NEMF: variants seen among roughly 807,000 people sequenced by gnomAD.
NEMF encodes ribosome quality control complex subunit NEMF.
In NEMF, 89 loss-of-function variants were observed where a neutral mutation model predicts 162.2. The ratio of observed to expected loss-of-function variants is 0.55; its 90% CI spans 0.46 to 0.65. The LOEUF (loss-of-function observed/expected upper bound fraction) is 0.65, where lower values mean the gene tolerates loss of function less well. Ranked by LOEUF, NEMF falls within the 30% of genes least tolerant of loss-of-function variation. The pLI is 0.00. For synonymous variants in NEMF, 421 were observed against 404.5 expected (o/e 1.04, Z -0.49); for missense variants, 1,133 against 1,261.9 (o/e 0.90, Z 1.55).
At position 49,829,415 on chromosome 14, in the gene NEMF, T is replaced by A. The variant is rs771403159; in HGVS notation, c.957A>T (p.Ala319=). The A allele has an allele frequency of 1.2e-6, 2 of 1,613,672 alleles. No individual in the cohort carries two copies. Among genetic ancestry groups the A allele is most frequent in the Admixed American group, 1.7e-5 (1 of 60,006 alleles). The part of the protein sequence containing the change: ...DLKALQQEKQ[A]LKKLDNVRKD... ...TTCGAACATTATCTAATTTCTTCAA[T>A]GCTTGCTTTTCCTTTTATTGGCAAA... is the stretch of plus-strand genomic sequence containing the variant. Residue 319 remains alanine (A), a synonymous_variant, in exon 12 of 33, where the codon GCA becomes GCT. Coordinates refer to ENST00000298310, the MANE Select transcript of NEMF (RefSeq NM_004713.6).
intron 28 of NEMF, among the ~76,000 whole-genome samples, chr14:49,788,407 G>A (rs1484558099): frequency 2.6e-5 from 4 of 151,962 alleles, no homozygotes; most frequent in Admixed American, 6.6e-5. Flanking sequence ...CGAACTCACT[G>A]GTTTTGTAAC....
At chr14:49,851,478 C>T (rs1323263044) in intron 3 of NEMF, 85 bp downstream of exon 3, 9 of 873,636 alleles carry the variant, frequency 1.0e-5, no homozygotes, top group African/African-American at 1.0e-4. Context: ...GCACTTTATT[C>T]GTAACAGTGA....
At chr14:49,810,802 A>G (rs1891440678) in intron 18 of NEMF, among the ~76,000 whole-genome samples, 1 of 152,198 alleles carries the variant, frequency 6.6e-6, no homozygotes, top group Admixed American at 6.5e-5. Context: ...ACTAGTCTGG[A>G]CAACATGGCA....
chr14:49,823,692 T>C (rs554121463), intron 16 of NEMF, among the ~76,000 whole-genome samples: 1 of 152,226 alleles, frequency 6.6e-6, no homozygotes, highest in South Asian at 2.1e-4. Context: ...TCAAGAACTA[T>C]TTCCAGAAAA....
chr14:49,802,611 A>G (rs1467198655), intron 21 of NEMF, 38 bp from the exon 22 acceptor site: 1 of 1,611,964 alleles, frequency 6.2e-7, no homozygotes, highest in Non-Finnish European at 8.5e-7. Context: ...GGAGCTTCAG[A>G]CAAGACTAAT....
chr14:49,845,949 A>G (rs1594809979), intron 4 of NEMF, 191 bp downstream of exon 4: 1 of 566,206 alleles, frequency 1.8e-6, no homozygotes, highest in Non-Finnish European at 3.1e-6. Flanking sequence ...AAGTCTGCCT[A>G]AACTCAGACC....
intron 18 of NEMF, 31 bp downstream of exon 18, chr14:49,813,957 C>T (rs1566673556): frequency 8.0e-7 from 1 of 1,242,974 alleles, no homozygotes; most frequent in Non-Finnish European, 1.2e-6. Flanking sequence ...AAGAAAGGAA[C>T]AGGAATTCTG....
chr14:49,784,836 C>A (rs905237405), intron 32 of NEMF, 89 bp downstream of exon 32: 1 of 1,401,798 alleles, frequency 7.1e-7, no homozygotes, highest in Non-Finnish European at 1.0e-6. Flanking sequence ...TCTAATAAGA[C>A]AGCATTTTCT....
chr14:49,812,878 C>T (rs966240113), intron 18 of NEMF, among the ~76,000 whole-genome samples: 2 of 151,942 alleles, frequency 1.3e-5, no homozygotes, highest in African/African-American at 2.4e-5. Context: ...TGGGTTCAAG[C>T]GATTCTCCTG....
intron 25 of NEMF, among the ~76,000 whole-genome samples, chr14:49,799,161 C>A (rs1045559182): frequency 3.8e-5 from 5 of 132,742 alleles, no homozygotes; most frequent in African/African-American, 1.1e-4. Context: ...TGAGCCATGA[C>A]TGCGCCATAG....
chr14:49,850,445 C>T (rs1893718127), intron 3 of NEMF, among the ~76,000 whole-genome samples: 1 of 152,162 alleles, frequency 6.6e-6, no homozygotes, highest in Non-Finnish European at 1.5e-5. Context: ...GAAGGAGGTA[C>T]TATCCACATT....
At chr14:49,832,329 A>T (rs747019239) in intron 8 of NEMF, 52 bp from the exon 9 acceptor site, 80 of 1,190,704 alleles carry the variant, frequency 6.7e-5, no homozygotes, top group South Asian at 1.6e-4. Context: ...ACAAAGATTT[A>T]CTTCTTTTTT....
intron 23 of NEMF, 91 bp from the exon 24 acceptor site, chr14:49,799,769 T>C: frequency 9.3e-7 from 1 of 1,072,952 alleles, no homozygotes; most frequent in Non-Finnish European, 1.4e-6. Flanking sequence ...TACTCTTAAG[T>C]ACTGGCAATC....
intron 5 of NEMF, 84 bp downstream of exon 5, chr14:49,840,633 CT>C (rs999216344): frequency 1.5e-4 from 182 of 1,234,628 alleles, no homozygotes; most frequent in South Asian, 2.9e-4. Flanking sequence ...CCCATTTTAC[CT>C]TTTTTTTAAG....
chr14:49,835,501 T>C (rs1216597706), intron 6 of NEMF, among the ~76,000 whole-genome samples: 2 of 152,178 alleles, frequency 1.3e-5, no homozygotes, highest in Admixed American at 6.5e-5. Flanking sequence ...AAACTAGGAA[T>C]AGAGGGAGCA....
At chr14:49,803,389 G>A (rs2139865234) in intron 19 of NEMF, 95 bp from the exon 20 acceptor site, 1 of 759,242 alleles carries the variant, frequency 1.3e-6, no homozygotes, top group Admixed American at 2.5e-5. Flanking sequence ...AGTCAAGTAA[G>A]CCACACTGTC....
chr14:49,841,632 C>T (rs1893217063), intron 4 of NEMF, among the ~76,000 whole-genome samples: 1 of 150,892 alleles, frequency 6.6e-6, no homozygotes. Context: ...ATTTCAGAAG[C>T]CAGCCAGGCA....
chr14:49,784,591 G>T lies in NEMF; in HGVS notation c.*45C>A. On this transcript the variant is annotated 3_prime_UTR_variant, in exon 33 of 33. Transcript: ENST00000298310. ...GCTTTCATCTTTGAACTTCCAAAAGGCTATAAAATTGGCTCTTCTCAAATA... is the reference window on the plus strand; with the variant it reads ...GCTTTCATCTTTGAACTTCCAAAAGTCTATAAAATTGGCTCTTCTCAAATA... 7.5e-7 allele frequency: 1 copy of T among 1,331,750 alleles called. No individual in the cohort carries two copies. Among genetic ancestry groups the T allele is most frequent in the South Asian group, 1.2e-5 (1 of 81,054 alleles). The allele number at this position is 1,331,750 out of a possible 1,614,324, so 82.5% of individuals were successfully genotyped here. A position where few individuals can be genotyped will look rare whatever the true frequency, so the allele number is the denominator to read the frequency against.
chr14:49,818,278 G>C (rs1485718465), intron 16 of NEMF: 1 of 152,016 alleles, frequency 6.6e-6, no homozygotes, highest in East Asian at 1.9e-4. Context: ...ATTTTTAGTA[G>C]AGACGGGGTT....
Sources: gnomAD v4.1 joint callset for allele counts (sites outside exome capture counted in the v4.1 genomes callset) on GRCh38, gnomAD v4.1.1 for gene constraint, MANE v1.5 for transcripts, NCBI Gene and HGNC (gene_info 2026-07-23, HGNC 2026-07-21) for gene names.